Variants in AGR3 observed in about 807,000 individuals in gnomAD.
AGR3 encodes the protein anterior gradient protein 3.
AGR3 carries 37 observed loss-of-function variants against 24.5 expected under a neutral mutation model. The ratio of observed to expected loss-of-function variants is 1.51; its 90% CI spans 1.16 to 1.99. AGR3 has a LOEUF of 1.99. AGR3 is among the 30% of genes most tolerant of loss of function. The probability of loss-of-function intolerance (pLI) is 0.00; values close to 1 mark genes in which losing one functional copy is unlikely to be tolerated. For synonymous variants in AGR3, 75 were observed against 61.6 expected, an observed-to-expected ratio of 1.22 and a Z score of -1.02; for missense variants, 228 against 191.1, an observed-to-expected ratio of 1.19 and a Z score of -1.14.
In AGR3 at chr7:16,868,848, C is replaced by T. The variant is rs373899035; in HGVS notation, c.173+4932G>A. Among the ~76,000 whole-genome samples the T allele has an allele frequency of 2.6e-5, 4 of 152,226 alleles. No individual in the cohort carries two copies. The East Asian group carries it at 7.7e-4, about 29-fold the overall frequency. On this transcript the variant is annotated intron_variant, in intron 3 of 7. Coordinates refer to ENST00000310398, the MANE Select transcript of AGR3 (RefSeq NM_176813.5). Reference sequence around the variant, plus strand: ...TTCAGGATTTCCTTCATTTCAATGGCTGAATAGTATTTTATTGTGTACATA... The same window carrying T: ...TTCAGGATTTCCTTCATTTCAATGGTTGAATAGTATTTTATTGTGTACATA...
chr7:16,862,942 G>T (rs531870857), intron 3 of AGR3, among the ~76,000 whole-genome samples: 1 of 152,178 alleles, frequency 6.6e-6, no homozygotes, highest in South Asian at 2.1e-4. Flanking sequence ...ACAGTGGTGT[G>T]AGCCTGTAGT....
At chr7:16,868,150 C>T (rs555402144) in intron 3 of AGR3, among the ~76,000 whole-genome samples, 6 of 145,628 alleles carry the variant, frequency 4.1e-5, no homozygotes, top group African/African-American at 9.7e-5. Context: ...TACCTGTTGG[C>T]CCTTTGTATG....
At chr7:16,880,251 C>T (rs1355392579) in intron 1 of AGR3, among the ~76,000 whole-genome samples, 3 of 150,754 alleles carry the variant, frequency 2.0e-5, no homozygotes, top group Non-Finnish European at 4.4e-5. Flanking sequence ...ACCTCCGCCT[C>T]CCAGGTTCAA....
chr7:16,872,850 A>T (rs548692915), intron 3 of AGR3, among the ~76,000 whole-genome samples: 18 of 152,232 alleles, frequency 1.2e-4, no homozygotes, highest in Non-Finnish European at 2.5e-4. Context: ...ATATGAAGAA[A>T]TTCTCAACAT....
intron 4 of AGR3, 107 bp from the exon 5 acceptor site, chr7:16,862,167 A>G: frequency 3.6e-6 from 3 of 838,980 alleles, no homozygotes; most frequent in Non-Finnish European, 5.8e-6. Flanking sequence ...TATATAACTC[A>G]GGTGTAAATA....
intron 3 of AGR3, chr7:16,864,710 T>C (rs1781718791): frequency 6.5e-7 from 1 of 1,536,924 alleles, no homozygotes; most frequent in Admixed American, 1.7e-5. Context: ...CCATACTTTT[T>C]ATGTATTAGA....
chr7:16,878,349 T>A (rs558217338), intron 2 of AGR3, among the ~76,000 whole-genome samples, 161 bp downstream of exon 2: 1 of 152,238 alleles, frequency 6.6e-6, no homozygotes, highest in Admixed American at 6.5e-5. Flanking sequence ...TAAAATAAAC[T>A]GATTCCTTCT....
Position 16,861,973 on chromosome 7 carries a change from A to C in AGR3, c.303+11T>G, listed in dbSNP as rs749420376. 6.3e-7 allele frequency: 1 copy of C among 1,587,472 alleles called. No individual in the cohort carries two copies. The highest frequency in any genetic ancestry group is 1.2e-5 in the South Asian group (1 of 86,540). On this transcript the variant is annotated intron_variant, in intron 5 of 7. Coordinates refer to ENST00000310398, the MANE Select transcript of AGR3 (RefSeq NM_176813.5). ...TTATAGTATTAAGAAAACATCACAA[A>C]GTTTATGTACCATAAGGTTTAGCAT...
intron 1 of AGR3, among the ~76,000 whole-genome samples, chr7:16,880,090 T>TCCTTCTTTCC (rs1207237278): frequency 1.6e-4 from 15 of 96,268 alleles, no homozygotes; most frequent in Middle Eastern, 5.7e-3. Flanking sequence ...TCTTTCCCCT[T>TCCTTCTTTCC]CCTTCCTTCC....
At chr7:16,880,526 C>CCTCCTCTTTCCCCTCCT (rs1279501951) in intron 1 of AGR3, among the ~76,000 whole-genome samples, 1 of 39,242 alleles carries the variant, frequency 2.5e-5, no homozygotes, top group Non-Finnish European at 5.9e-5. Flanking sequence ...CCTCCTCTCC[C>CCTCCTCTTTCCCCTCCT]CTCCCCTCCC....
chr7:16,873,826 T>A lies in AGR3; in HGVS notation c.127A>T (p.Thr43Ser), dbSNP rs1303053414. 1.2e-6 allele frequency: 2 copies of A among 1,613,030 alleles called. No individual in the cohort carries two copies. Among genetic ancestry groups the A allele is most frequent in the Non-Finnish European group, 1.7e-6 (2 of 1,179,242 alleles). Reference protein sequence around the residue: ...TLSRGWGDDITWVQTYEEGLF... With the variant: ...TLSRGWGDDISWVQTYEEGLF... ...CCTTCTTCATAAGTTTGTACCCAAG[T>A]GATGTCATCTCCCCATCCTGAAATA... Residue 43 changes from threonine (T) to serine (S), a missense_variant, in exon 3 of 8, where the codon ACT becomes TCT. By Grantham distance (58) the Thr-to-Ser change is moderately conservative (BLOSUM62 1). Coordinates refer to ENST00000310398, the MANE Select transcript of AGR3 (RefSeq NM_176813.5).
At chr7:16,873,547 T>C in intron 3 of AGR3, 1 of 481,224 alleles carries the variant, frequency 2.1e-6, no homozygotes, top group South Asian at 2.5e-5. Context: ...ATAGGGTACA[T>C]ACAGTTAACA....
At chr7:16,868,211 A>G (rs1026582768) in intron 3 of AGR3, among the ~76,000 whole-genome samples, 2 of 151,878 alleles carry the variant, frequency 1.3e-5, no homozygotes, top group African/African-American at 4.8e-5. Context: ...GCTGGAGTGC[A>G]ATGGTGCGAT....
intron 3 of AGR3, chr7:16,864,773 G>T: frequency 9.1e-7 from 1 of 1,092,976 alleles, no homozygotes; most frequent in Non-Finnish European, 1.4e-6. Flanking sequence ...CCTTGGCAAT[G>T]AGCATATCCT....
intron 3 of AGR3, 96 bp downstream of exon 3, chr7:16,873,684 A>T (rs1034302012): frequency 8.3e-5 from 74 of 894,908 alleles, no homozygotes; most frequent in Non-Finnish European, 1.3e-4. Flanking sequence ...CATTGTGTAC[A>T]TGTATCAGCA....
Position 16,866,611 on chromosome 7 carries a change from C to G in AGR3, c.174-3949G>C, listed in dbSNP as rs1307210720. ...GCAGTAATTGTTTTTGCTATTCTCACTAAAGCTGGTTATTAGTTTAAATTT... is the reference window on the plus strand; with the variant it reads ...GCAGTAATTGTTTTTGCTATTCTCAGTAAAGCTGGTTATTAGTTTAAATTT... On this transcript the variant is annotated intron_variant, in intron 3 of 7. Coordinates refer to ENST00000310398, the MANE Select transcript of AGR3 (RefSeq NM_176813.5). Among the ~76,000 whole-genome samples, 5 of 152,002 alleles carry G rather than the reference C, an allele frequency of 3.3e-5. No homozygotes were observed. The East Asian group carries it at 5.8e-4, about 18-fold the overall frequency.
intron 3 of AGR3, among the ~76,000 whole-genome samples, chr7:16,867,721 C>T: frequency 6.6e-6 from 1 of 152,100 alleles, no homozygotes; most frequent in East Asian, 1.9e-4. Flanking sequence ...TTTTAGATTA[C>T]ACATGTGAGA....
Position 16,865,068 on chromosome 7 carries a change from G to C in AGR3, c.174-2406C>G. On this transcript the variant is annotated intron_variant, in intron 3 of 7. Coordinates refer to ENST00000310398, the MANE Select transcript of AGR3 (RefSeq NM_176813.5). Reference sequence around the variant, plus strand: ...ATGAGAGGGCAACCAAGATGAGTCTGATTCTGTTAAAGATGCTCTTTTACT... The same window carrying C: ...ATGAGAGGGCAACCAAGATGAGTCTCATTCTGTTAAAGATGCTCTTTTACT... 4 of 782,150 alleles carry C rather than the reference G, an allele frequency of 5.1e-6. No homozygotes were observed. In the South Asian group the frequency reaches 5.6e-5, roughly 11 times the overall value. The allele number at this position is 782,150 out of a possible 1,614,324, so 48.5% of individuals were successfully genotyped here.
chr7:16,864,254 A>T (rs1281043202), intron 3 of AGR3: 3 of 1,301,066 alleles, frequency 2.3e-6, no homozygotes, highest in Non-Finnish European at 3.3e-6. Flanking sequence ...TCTGATTAGC[A>T]GGCTGGCTTC....
Sources: gnomAD v4.1 joint callset for allele counts (sites outside exome capture counted in the v4.1 genomes callset) on GRCh38, gnomAD v4.1.1 for gene constraint, MANE v1.5 for transcripts, NCBI Gene and HGNC (gene_info 2026-07-23, HGNC 2026-07-21) for gene names.